The following SLC7A2 variants were observed in gnomAD, a reference collection of about 807,000 sequenced individuals.
SLC7A2 encodes the protein cationic amino acid transporter 2.
SLC7A2 carries 48 observed loss-of-function variants against 58.9 expected under a neutral mutation model. That is an observed-to-expected ratio of 0.82 (90% CI 0.65 to 1.04). The LOEUF (loss-of-function observed/expected upper bound fraction) is 1.04. SLC7A2 is among the 50% of genes least tolerant of loss of function. The pLI, the probability that SLC7A2 is intolerant of heterozygous loss-of-function variation, is 0.00. For synonymous variants in SLC7A2, 363 were observed against 314.5 expected, an observed-to-expected ratio of 1.15 and a Z score of -1.63; for missense variants, 1,029 against 818.8, an observed-to-expected ratio of 1.26 and a Z score of -3.13.
At chr8:17,503,701 T>C (rs1800258968) in intron 2 of SLC7A2, among the ~76,000 whole-genome samples, 1 of 152,228 alleles carries the variant, frequency 6.6e-6, no homozygotes, top group Admixed American at 6.5e-5. Context: ...ATAATTTGTA[T>C]CAATGTGGGT....
chr8:17,532,132 A>G (rs1320182981), intron 2 of SLC7A2, among the ~76,000 whole-genome samples: 2 of 145,200 alleles, frequency 1.4e-5, no homozygotes, highest in South Asian at 4.6e-4. Context: ...TGGGAGGCTG[A>G]GGCAGGAGAA....
intron 1 of SLC7A2, chr8:17,499,290 C>A (rs141943404): frequency 6.6e-6 from 1 of 150,934 alleles, no homozygotes; most frequent in East Asian, 1.9e-4. Context: ...CTCTATCCCT[C>A]TTTCCCCCTC....
chr8:17,557,244 T>C (rs1802749460), intron 8 of SLC7A2, among the ~76,000 whole-genome samples: 1 of 152,234 alleles, frequency 6.6e-6, no homozygotes, highest in African/African-American at 2.4e-5. Flanking sequence ...TGTGATGTTA[T>C]CTACTTACTA....
chr8:17,537,456 A>G (rs747042814), intron 2 of SLC7A2, among the ~76,000 whole-genome samples: 1 of 152,038 alleles, frequency 6.6e-6, no homozygotes, highest in Non-Finnish European at 1.5e-5. Context: ...GACCGACCTA[A>G]TCATTTTGTT....
At chr8:17,561,399 C>T (rs1802975923) in intron 10 of SLC7A2, among the ~76,000 whole-genome samples, 1 of 152,134 alleles carries the variant, frequency 6.6e-6, no homozygotes. Flanking sequence ...ACCATCAGAT[C>T]TCGCTAGACT....
At chr8:17,496,840 C>T (rs572609609), upstream of SLC7A2, among the ~76,000 whole-genome samples, 8 of 152,162 alleles carry the variant, frequency 5.3e-5, no homozygotes, top group South Asian at 1.7e-3. Flanking sequence ...CGCAGCCTCT[C>T]TTCCCCGGCC....
intron 2 of SLC7A2, among the ~76,000 whole-genome samples, chr8:17,522,861 C>A (rs1801071292): frequency 6.6e-6 from 1 of 151,904 alleles, no homozygotes; most frequent in Non-Finnish European, 1.5e-5. Context: ...CACAGTGACA[C>A]CCTACCTCTA....
At chr8:17,536,438 C>T (rs1488851402) in intron 2 of SLC7A2, among the ~76,000 whole-genome samples, 5 of 151,990 alleles carry the variant, frequency 3.3e-5, no homozygotes, top group South Asian at 2.1e-4. Context: ...GATGTGGTGG[C>T]GGGTGCCTGT....
Position 17,546,213 on chromosome 8 carries a change from G to A in SLC7A2, c.532+1607G>A, listed in dbSNP as rs111428602. Among the ~76,000 whole-genome samples, 831 of 152,230 alleles carry A rather than the reference G, an allele frequency of 5.5e-3. 10 individuals are homozygous for A. The highest frequency in any genetic ancestry group is 0.019 in the African/African-American group (799 of 41,522). On this transcript the variant is annotated intron_variant, in intron 4 of 12. Transcript: ENST00000494857. ...TATTCAACTTTAATCTCTAAATGAC[G>A]AAGAGCATGTAGCTGTGACACAATT...
intron 2 of SLC7A2, among the ~76,000 whole-genome samples, chr8:17,513,398 C>G (rs773780909): frequency 6.6e-6 from 1 of 151,998 alleles, no homozygotes; most frequent in African/African-American, 2.4e-5. Context: ...TAAGTTTGCT[C>G]TAAACTGAAA....
chr8:17,569,286 T>C lies in SLC7A2; in HGVS notation c.*4140T>C, dbSNP rs1803408290. 6.6e-6 allele frequency: 1 copy of C among 152,168 alleles called. No individual in the cohort carries two copies. The highest frequency in any genetic ancestry group is 1.5e-5 in the Non-Finnish European group (1 of 68,028). 9.4% of individuals were successfully genotyped at this position (152,168 alleles called of 1,614,324 possible). A position where few individuals can be genotyped will look rare whatever the true frequency, so the allele number is the denominator to read the frequency against. On this transcript the variant is annotated 3_prime_UTR_variant, in exon 13 of 13. Coordinates refer to ENST00000494857, the MANE Select transcript of SLC7A2 (RefSeq NM_001370338.1). ...ACAGTTTCCGCAGGGCTTTAAAGGA[T>C]TGAGTTTAGCATGTATATCATGCGT...
At chr8:17,510,706 G>A (rs1272089560) in intron 2 of SLC7A2, 1 of 152,132 alleles carries the variant, frequency 6.6e-6, no homozygotes, top group Non-Finnish European at 1.5e-5. Context: ...CAAGGATCTA[G>A]AGCCAGAAAT....
intron 11 of SLC7A2, among the ~76,000 whole-genome samples, chr8:17,563,128 G>A (rs992409570): frequency 6.6e-6 from 1 of 152,334 alleles, no homozygotes; most frequent in African/African-American, 2.4e-5. Flanking sequence ...GGGTGACAGA[G>A]TGAGACACTG....
At chr8:17,510,512 A>C (rs1800561209) in intron 2 of SLC7A2, 1 of 152,204 alleles carries the variant, frequency 6.6e-6, no homozygotes, top group East Asian at 1.9e-4. Context: ...TTGACTTGTT[A>C]ATAGTCACCA....
chr8:17,496,475 G>A (rs1799960795), upstream of SLC7A2, among the ~76,000 whole-genome samples: 1 of 152,158 alleles, frequency 6.6e-6, no homozygotes, highest in Non-Finnish European at 1.5e-5. Context: ...CAATAGCGCA[G>A]TAGGAGAAAC....
chr8:17,538,891 G>A (rs1801788273), intron 2 of SLC7A2: 1 of 1,613,730 alleles, frequency 6.2e-7, no homozygotes, highest in Non-Finnish European at 8.5e-7. Flanking sequence ...TGGAACACCT[G>A]CCCCACCGGT....
rs943550542 is a variant in SLC7A2, at chr8:17,554,646, A to C, written c.1142A>C (p.Asn381Thr). The change falls in exon 8 of 13, where the codon AAT becomes ACT. Residue 381 changes from asparagine (N) to threonine (T), a missense_variant. Transcript: ENST00000494857. Reference sequence around the variant, plus strand: ...CTTTTCAAATGTCTAGCTCAAATCAATTCCAAAACGAAGACACCAATAATT... The same window carrying C: ...CTTTTCAAATGTCTAGCTCAAATCACTTCCAAAACGAAGACACCAATAATT... ...GLLFKCLAQI[N>T]SKTKTPIIAT... 1.2e-6 allele frequency: 2 copies of C among 1,613,586 alleles called. No individual in the cohort carries two copies. Among genetic ancestry groups the C allele is most frequent in the Non-Finnish European group, 1.7e-6 (2 of 1,179,900 alleles).
In SLC7A2 at chr8:17,544,433, C is replaced by T; in HGVS notation, c.377-18C>T. Reference sequence around the variant, plus strand: ...TTTGCCCCCAGTGACTTCGTATTCTCTGTTCTGTTTTGGGAAGGTACATCA... The same window carrying T: ...TTTGCCCCCAGTGACTTCGTATTCTTTGTTCTGTTTTGGGAAGGTACATCA... On this transcript the variant is annotated intron_variant, in intron 3 of 12. Transcript: ENST00000494857. 1.2e-6 allele frequency: 2 copies of T among 1,609,458 alleles called. No individual in the cohort carries two copies. Among genetic ancestry groups the T allele is most frequent in the East Asian group, 2.2e-5 (1 of 44,794 alleles).
At chr8:17,499,380 C>G (rs1044135711) in intron 1 of SLC7A2, 1 of 149,696 alleles carries the variant, frequency 6.7e-6, no homozygotes. Flanking sequence ...TCATTTCTCT[C>G]TCCCTCTCTC....
Sources: allele counts gnomAD v4.1 joint callset (sites outside exome capture counted in the v4.1 genomes callset), GRCh38; gene constraint gnomAD v4.1.1; transcripts MANE v1.5; gene names NCBI Gene and HGNC (gene_info 2026-07-23, HGNC 2026-07-21).